The following LRP2 variants were observed in gnomAD, a reference collection of about 807,000 sequenced individuals.
The protein encoded by LRP2 is LDL receptor related protein 2, also known as low-density lipoprotein receptor-related protein 2.
A neutral mutation model predicts 531.0 loss-of-function variants in LRP2; 172 were observed. The observed-to-expected ratio is 0.32, with a 90% confidence interval of 0.29 to 0.37. The LOEUF (loss-of-function observed/expected upper bound fraction) is 0.37, where lower values mean the gene tolerates loss of function less well. Ranked by LOEUF, LRP2 falls within the 10% of genes least tolerant of loss-of-function variation. The probability of loss-of-function intolerance (pLI) is 1.00; values close to 1 mark genes in which losing one functional copy is unlikely to be tolerated. For synonymous variants in LRP2, 1,992 were observed against 2,027.6 expected, an observed-to-expected ratio of 0.98 and a Z score of 0.47; for missense variants, 5,167 against 5,868.3, an observed-to-expected ratio of 0.88 and a Z score of 3.90.
At chr2:169,190,828 C>A (rs1375883132) in intron 48 of LRP2, among the ~76,000 whole-genome samples, 4 of 152,216 alleles carry the variant, frequency 2.6e-5, no homozygotes, top group African/African-American at 9.6e-5. Context: ...TTTGCTAATG[C>A]TCGTACTATT....
At chr2:169,291,803 A>T (rs1031219035) in intron 7 of LRP2, among the ~76,000 whole-genome samples, 2 of 152,174 alleles carry the variant, frequency 1.3e-5, no homozygotes, top group African/African-American at 4.8e-5. Context: ...CAAAACCAAA[A>T]CAAAAAAATA....
chr2:169,236,012 C>T lies in LRP2; in HGVS notation c.4748G>A (p.Ser1583Asn). Reference protein sequence around the residue: ...WGHHPRIERASMDGSMRTVIV... With the variant: ...WGHHPRIERANMDGSMRTVIV... ...GACAGTGCGCATGCTGCCGTCCATG[C>T]TGGCTCGCTCGATGCGAGGGTGGTG... is the stretch of plus-strand genomic sequence containing the variant. The change falls in exon 29 of 79, where the codon AGC (serine) becomes AAC (asparagine). Residue 1583 changes from serine (S) to asparagine (N), a missense_variant. Coordinates refer to ENST00000649046, the MANE Select transcript of LRP2 (RefSeq NM_004525.3). 6.2e-7 allele frequency: 1 copy of T among 1,614,208 alleles called. No homozygotes were observed. The highest frequency in any genetic ancestry group is 8.5e-7 in the Non-Finnish European group (1 of 1,180,036).
chr2:169,269,077 C>A (rs1683320514), intron 16 of LRP2, among the ~76,000 whole-genome samples: 1 of 152,244 alleles, frequency 6.6e-6, no homozygotes. Flanking sequence ...AGGAGAACTA[C>A]AAACCACTGC....
At chr2:169,161,255 A>G (rs985361413) in intron 63 of LRP2, among the ~76,000 whole-genome samples, 15 of 152,234 alleles carry the variant, frequency 9.9e-5, no homozygotes, top group African/African-American at 3.1e-4. Context: ...GCTTTATTAC[A>G]TAGACAATAA....
intron 1 of LRP2, among the ~76,000 whole-genome samples, chr2:169,340,326 G>A (rs1051545330): frequency 8.5e-5 from 13 of 152,156 alleles, no homozygotes; most frequent in African/African-American, 2.4e-4. Flanking sequence ...AGTGTCACCC[G>A]ACCAGCTTTG....
At chr2:169,341,656 T>C (rs938795923) in intron 1 of LRP2, among the ~76,000 whole-genome samples, 1 of 152,190 alleles carries the variant, frequency 6.6e-6, no homozygotes, top group African/African-American at 2.4e-5. Flanking sequence ...TAATTTAAAG[T>C]TACAAGAAAG....
intron 50 of LRP2, among the ~76,000 whole-genome samples, chr2:169,185,213 T>C (rs1687592563): frequency 6.6e-6 from 1 of 152,206 alleles, no homozygotes; most frequent in Non-Finnish European, 1.5e-5. Context: ...AATGCATGAA[T>C]CGTCCCTTCA....
intron 64 of LRP2, among the ~76,000 whole-genome samples, chr2:169,157,001 A>G (rs1686355162): frequency 6.6e-6 from 1 of 152,218 alleles, no homozygotes; most frequent in East Asian, 1.9e-4. Flanking sequence ...GTAGGTGTAT[A>G]ATAAATACGT....
At chr2:169,194,656 C>T (rs1270361755) in intron 46 of LRP2, among the ~76,000 whole-genome samples, 2 of 150,182 alleles carry the variant, frequency 1.3e-5, no homozygotes, top group East Asian at 1.9e-4. Flanking sequence ...TATATCATAA[C>T]AGTAACAAGA....
rs1382480140 is a variant in LRP2 at position 169,229,423 on chromosome 2, C to T, written c.5227+2291G>A. Among the ~76,000 whole-genome samples, 3 of 152,168 alleles carry T rather than the reference C, an allele frequency of 2.0e-5. No homozygotes were observed. The East Asian group carries it at 5.8e-4, about 29-fold the overall frequency. On this transcript the variant is annotated intron_variant, in intron 31 of 78. Coordinates refer to ENST00000649046, the MANE Select transcript of LRP2 (RefSeq NM_004525.3). ...ACCCTGCACAAGCTGATCAGCACTG[C>T]AGCCTTCCCTGGAGCAAGGACAAGG...
chr2:169,286,095 T>TA (rs1298218261), intron 9 of LRP2, among the ~76,000 whole-genome samples: 3 of 152,192 alleles, frequency 2.0e-5, no homozygotes, highest in Non-Finnish European at 4.4e-5. Flanking sequence ...GTCATGTATT[T>TA]AAAGAGTTCT....
chr2:169,261,673 G>A (rs927341290), intron 16 of LRP2, among the ~76,000 whole-genome samples: 15 of 152,090 alleles, frequency 9.9e-5, no homozygotes, highest in African/African-American at 2.4e-4. Context: ...GTACAAGGAG[G>A]AACTGGTACC....
rs749711372 is a variant in LRP2, at chr2:169,247,426, T to C, written c.2860A>G (p.Ile954Val). 8.1e-6 allele frequency: 13 copies of C among 1,614,050 alleles called. No homozygotes were observed. In the East Asian group the frequency reaches 2.0e-4, roughly 25 times the overall value. Residue 954 changes from isoleucine to valine, a missense_variant, in exon 20 of 79, where the codon ATT becomes GTT. Ile to Val is a conservative substitution (Grantham distance 29, BLOSUM62 3). This residue lies in a region of LRP2 where 2,811 missense variants were observed against 3,058.0 expected (regional missense o/e 0.92). Coordinates refer to ENST00000649046, the MANE Select transcript of LRP2 (RefSeq NM_004525.3). ...GATTTCAAATGCAGTATGTAAGCAA[T>C]GCCACTTCGGATAACTGTCATTTCT... ...GGEMTVIRSG[I>V]AYILHLKSYD...
intron 3 of LRP2, among the ~76,000 whole-genome samples, chr2:169,316,153 A>G (rs1684758104): frequency 6.6e-6 from 1 of 151,858 alleles, no homozygotes; most frequent in Admixed American, 6.6e-5. Flanking sequence ...AAAAAAAAAA[A>G]AATCTGTCCT....
intron 71 of LRP2, 138 bp from the exon 72 acceptor site, chr2:169,140,683 C>G (rs573432632): frequency 1.7e-5 from 11 of 649,204 alleles, no homozygotes; most frequent in Middle Eastern, 4.0e-4. Flanking sequence ...TTACCTTCCC[C>G]CTAAGTCCAG....
chr2:169,310,496 A>C (rs1306013013), intron 3 of LRP2, among the ~76,000 whole-genome samples: 1 of 152,166 alleles, frequency 6.6e-6, no homozygotes, highest in African/African-American at 2.4e-5. Flanking sequence ...TATATGATGG[A>C]TTACGCTTAT....
At chr2:169,302,482 AGAGAC>A (rs1343440157) in intron 4 of LRP2, among the ~76,000 whole-genome samples, 2 of 152,176 alleles carry the variant, frequency 1.3e-5, no homozygotes, top group African/African-American at 4.8e-5. Flanking sequence ...GACAACGTCC[AGAGAC>A]ATTTTGGATT....
At chr2:169,274,626 A>C (rs755715595) in intron 14 of LRP2, among the ~76,000 whole-genome samples, 1 of 152,136 alleles carries the variant, frequency 6.6e-6, no homozygotes, top group Non-Finnish European at 1.5e-5. Context: ...ATGCTACCGA[A>C]AATGGACACT....
Position 169,186,012 on chromosome 2 carries a change from A to G in LRP2, c.9336T>C (p.Asn3112=). Residue 3112 remains asparagine, a synonymous_variant, in exon 50 of 79, where the codon AAT becomes AAC. Coordinates refer to ENST00000649046, the MANE Select transcript of LRP2 (RefSeq NM_004525.3). ...DNSDEKGCGI[N]ECHDPSISGC... The stretch of plus-strand genomic sequence containing the variant: ...CACTGATTGAAGGGTCATGGCATTC[A>G]TTAATGCCTGTAGGTAAAAAGCAGT... 5 of 1,613,482 alleles carry G rather than the reference A, an allele frequency of 3.1e-6. No homozygotes were observed. The highest frequency in any genetic ancestry group is 4.2e-6 in the Non-Finnish European group (5 of 1,179,910).
Sources: allele counts gnomAD v4.1 joint callset (sites outside exome capture counted in the v4.1 genomes callset), GRCh38; gene constraint gnomAD v4.1.1; regional missense constraint gnomAD v4.1.1; transcripts MANE v1.5; gene names NCBI Gene and HGNC (gene_info 2026-07-23, HGNC 2026-07-21).